COL25A1: variants seen among roughly 807,000 people sequenced by gnomAD.
COL25A1 encodes collagen type XXV alpha 1 chain.
Under a neutral mutation model 128.4 loss-of-function variants are expected in COL25A1, and 103 were observed. The ratio of observed to expected loss-of-function variants is 0.80; its 90% CI spans 0.68 to 0.94. The LOEUF (loss-of-function observed/expected upper bound fraction) is 0.94, where lower values mean the gene tolerates loss of function less well. Among genes scored for constraint, COL25A1 ranks in the 40% least tolerant of loss-of-function variants. The probability of loss-of-function intolerance (pLI) is 0.00; values close to 1 mark genes in which losing one functional copy is unlikely to be tolerated. For missense variants in COL25A1, 745 were observed against 840.0 expected (o/e 0.89, Z 1.40); for synonymous variants, 279 against 277.2 (o/e 1.01, Z -0.06).
chr4:109,025,962 A>T (rs1428555351), intron 5 of COL25A1, among the ~76,000 whole-genome samples: 1 of 152,074 alleles, frequency 6.6e-6, no homozygotes, highest in Non-Finnish European at 1.5e-5. Flanking sequence ...TTGAGCTCTC[A>T]CTTGTGTCAT....
At chr4:109,206,654 A>C (rs1777022983) in intron 3 of COL25A1, among the ~76,000 whole-genome samples, 1 of 152,220 alleles carries the variant, frequency 6.6e-6, no homozygotes, top group Admixed American at 6.5e-5. Flanking sequence ...GTGCTCTAAA[A>C]GAATCCAGAT....
chr4:108,814,388 A>C (rs962574148), intron 37 of COL25A1, among the ~76,000 whole-genome samples: 1 of 151,992 alleles, frequency 6.6e-6, no homozygotes, highest in Admixed American at 6.6e-5. Flanking sequence ...CCAACACCTG[A>C]CTCTAATCCT....
intron 3 of COL25A1, among the ~76,000 whole-genome samples, chr4:109,212,614 A>G (rs1777663479): frequency 6.6e-6 from 1 of 152,190 alleles, no homozygotes; most frequent in African/African-American, 2.4e-5. Flanking sequence ...GTCAGAAGGG[A>G]ATCAACTGTT....
intron 3 of COL25A1, among the ~76,000 whole-genome samples, chr4:109,161,573 T>C (rs957959646): frequency 7.2e-5 from 11 of 152,226 alleles, no homozygotes; most frequent in Non-Finnish European, 8.8e-5. Context: ...GGAATTTACA[T>C]TGATATCCAG....
Position 109,083,387 on chromosome 4 carries a change from CTTT to C in COL25A1, c.368-33211_368-33209del, listed in dbSNP as rs2125997090. Among the ~76,000 whole-genome samples the C allele has an allele frequency of 2.1e-5, 3 of 144,406 alleles. No individual in the cohort carries two copies. The East Asian group carries it at 6.1e-4, about 29-fold the overall frequency. 94.7% of individuals were successfully genotyped at this position (144,406 alleles called of 152,430 possible). A position where few individuals can be genotyped will look rare whatever the true frequency, so the allele number is the denominator to read the frequency against. On this transcript the variant is annotated intron_variant, in intron 3 of 37. Transcript: ENST00000399132. ...TACATTCCAGACTGCTTTATTTCTT[CTTT>C]AACTGCTATTTAGTATGACCAAAAT...
At chr4:109,250,698 G>A (rs1442542617) in intron 3 of COL25A1, among the ~76,000 whole-genome samples, 1 of 152,006 alleles carries the variant, frequency 6.6e-6, no homozygotes, top group Non-Finnish European at 1.5e-5. Context: ...CCCATATTGG[G>A]GTGGGCAATC....
Position 109,085,669 on chromosome 4 carries a change from C to G in COL25A1, c.368-35490G>C, listed in dbSNP as rs1006865803. On this transcript the variant is annotated intron_variant, in intron 3 of 37. Transcript: ENST00000399132. ...TAGCATTCAGTGTTCCCTGCAATAT[C>G]TACCATATCTACCACCTTTCCAACC... Among the ~76,000 whole-genome samples the G allele has an allele frequency of 8.5e-5, 13 of 152,162 alleles. 1 individual carries two copies. Among genetic ancestry groups the G allele is most frequent in the Non-Finnish European group, 1.9e-4 (13 of 68,034 alleles).
chr4:108,873,666 A>G (rs1250755692), intron 19 of COL25A1, among the ~76,000 whole-genome samples: 1 of 152,064 alleles, frequency 6.6e-6, no homozygotes, highest in African/African-American at 2.4e-5. Context: ...TAACCTGCCT[A>G]GGGTTATACT....
At chr4:109,273,744 C>T (rs1181131883) in intron 3 of COL25A1, among the ~76,000 whole-genome samples, 1 of 152,110 alleles carries the variant, frequency 6.6e-6, no homozygotes, top group Non-Finnish European at 1.5e-5. Context: ...AAATAAGACA[C>T]TAACACCTCC....
intron 3 of COL25A1, among the ~76,000 whole-genome samples, chr4:109,270,466 C>T (rs1026465832): frequency 1.1e-4 from 16 of 152,198 alleles, no homozygotes; most frequent in African/African-American, 3.6e-4. Flanking sequence ...AACTCCCATT[C>T]ACAACTGCTT....
chr4:109,128,308 C>G (rs1768828938), intron 3 of COL25A1, among the ~76,000 whole-genome samples: 1 of 152,160 alleles, frequency 6.6e-6, no homozygotes, highest in African/African-American at 2.4e-5. Context: ...AAAATTTCTT[C>G]CAGAGGAGCC....
intron 32 of COL25A1, among the ~76,000 whole-genome samples, chr4:108,830,491 A>C (rs1368860971): frequency 1.3e-5 from 2 of 152,152 alleles, no homozygotes; most frequent in Non-Finnish European, 2.9e-5. Flanking sequence ...GAGAGTCCAG[A>C]TGGCGCCTCT....
chr4:109,108,075 A>C (rs1304642949), intron 3 of COL25A1, among the ~76,000 whole-genome samples: 5 of 152,220 alleles, frequency 3.3e-5, no homozygotes, highest in Admixed American at 6.5e-5. Context: ...ACATGTGCAC[A>C]ACGTGCAGGT....
chr4:108,928,500 TTTTATTTATTTA>T (rs1008278458), intron 11 of COL25A1, among the ~76,000 whole-genome samples: 1 of 126,120 alleles, frequency 7.9e-6, no homozygotes, highest in Admixed American at 7.8e-5. Context: ...GAATTTTTAA[TTTTATTTATTTA>T]TGTATTTATT....
At chr4:109,083,600 C>T (rs1764075544) in intron 3 of COL25A1, among the ~76,000 whole-genome samples, 1 of 151,616 alleles carries the variant, frequency 6.6e-6, no homozygotes, top group African/African-American at 2.4e-5. Flanking sequence ...GTAGCTGGGA[C>T]TGCAGGCACC....
chr4:108,941,571 G>C (rs1309644203), intron 8 of COL25A1, 134 bp from the exon 9 acceptor site: 2 of 617,300 alleles, frequency 3.2e-6, no homozygotes, highest in African/African-American at 3.7e-5. Context: ...AATAGAACTG[G>C]CACTTATGTC....
intron 3 of COL25A1, among the ~76,000 whole-genome samples, chr4:109,108,664 C>A (rs1193622582): frequency 1.3e-5 from 2 of 150,496 alleles, no homozygotes; most frequent in African/African-American, 4.9e-5. Flanking sequence ...AATTTTAGAT[C>A]TTTCTGTTAC....
At chr4:108,905,541 T>A (rs1448803724) in intron 13 of COL25A1, among the ~76,000 whole-genome samples, 3 of 150,428 alleles carry the variant, frequency 2.0e-5, no homozygotes, top group African/African-American at 7.3e-5. Flanking sequence ...ATAAAAATAA[T>A]AATAATAATA....
intron 27 of COL25A1, among the ~76,000 whole-genome samples, chr4:108,847,761 TA>T: frequency 6.6e-6 from 1 of 152,238 alleles, no homozygotes; most frequent in Non-Finnish European, 1.5e-5. Context: ...TGTTTCTGTT[TA>T]CCACATGTTC....
Sources: gnomAD v4.1 joint callset for allele counts (sites outside exome capture counted in the v4.1 genomes callset) on GRCh38, gnomAD v4.1.1 for gene constraint, MANE v1.5 for transcripts, NCBI Gene and HGNC (gene_info 2026-07-23, HGNC 2026-07-21) for gene names.